ADGRL3: variants seen among roughly 807,000 people sequenced by gnomAD.
The protein encoded by ADGRL3 is adhesion G protein-coupled receptor L3, also known as calcium-independent alpha-latrotoxin receptor 3.
A neutral mutation model predicts 153.5 loss-of-function variants in ADGRL3; 62 were observed. The observed-to-expected ratio is 0.40, with a 90% CI of 0.33 to 0.50. The LOEUF (loss-of-function observed/expected upper bound fraction) is 0.50. ADGRL3 is among the 20% of genes least tolerant of loss of function. ADGRL3 has a pLI of 0.47. For synonymous variants in ADGRL3, 710 were observed against 672.5 expected (o/e 1.06, Z -0.86); for missense variants, 1,641 against 1,859.4 (o/e 0.88, Z 2.16).
chr4:61,959,040 A>G (rs953374071), intron 17 of ADGRL3, among the ~76,000 whole-genome samples: 1 of 152,204 alleles, frequency 6.6e-6, no homozygotes, highest in African/African-American at 2.4e-5. Flanking sequence ...GTAATTGTAT[A>G]CTTAACTGAG....
chr4:61,950,980 A>T (rs2098944971), intron 17 of ADGRL3, among the ~76,000 whole-genome samples: 1 of 152,186 alleles, frequency 6.6e-6, no homozygotes, highest in African/African-American at 2.4e-5. Flanking sequence ...ACCAGCTTTC[A>T]CTGTAGTTAG....
chr4:61,835,528 A>C (rs1300026969), intron 9 of ADGRL3, among the ~76,000 whole-genome samples: 1 of 152,170 alleles, frequency 6.6e-6, no homozygotes, highest in Non-Finnish European at 1.5e-5. Flanking sequence ...AAAAAAAATA[A>C]ATCCTTTTAA....
chr4:61,760,418 G>A (rs1254134366), intron 8 of ADGRL3, among the ~76,000 whole-genome samples: 1 of 152,154 alleles, frequency 6.6e-6, no homozygotes, highest in African/African-American at 2.4e-5. Context: ...TGCTGTTCTG[G>A]GAATAAGCGA....
chr4:61,678,642 A>T (rs1207158371), intron 6 of ADGRL3, among the ~76,000 whole-genome samples: 2 of 151,986 alleles, frequency 1.3e-5, no homozygotes, highest in African/African-American at 4.8e-5. Context: ...AATGTCCTAC[A>T]TTTAGAGAGT....
chr4:61,668,879 C>T (rs1286350619), intron 5 of ADGRL3, among the ~76,000 whole-genome samples: 1 of 151,940 alleles, frequency 6.6e-6, no homozygotes, highest in African/African-American at 2.4e-5. Context: ...ATTAGGTGGG[C>T]ATGGTTATGT....
At chr4:61,750,069 CT>C (rs1395603118) in intron 8 of ADGRL3, among the ~76,000 whole-genome samples, 1 of 150,428 alleles carries the variant, frequency 6.6e-6, no homozygotes, top group African/African-American at 2.4e-5. Context: ...AACCGTGCCA[CT>C]ATTCTATGTT....
At chr4:61,828,189 A>T (rs1037805622) in intron 9 of ADGRL3, among the ~76,000 whole-genome samples, 101 of 152,304 alleles carry the variant, frequency 6.6e-4, no homozygotes, top group African/African-American at 2.1e-3. Flanking sequence ...TGTTTCACAA[A>T]TTTGAATAAT....
intron 6 of ADGRL3, among the ~76,000 whole-genome samples, chr4:61,719,478 C>T (rs1181126231): frequency 6.6e-6 from 1 of 152,042 alleles, no homozygotes; most frequent in East Asian, 1.9e-4. Context: ...CTGTAAGATA[C>T]ATGATTAATA....
Position 62,077,076 on chromosome 4 carries a change from T to C in ADGRL3, c.*6168T>C, listed in dbSNP as rs1747395288. 1 of 151,976 alleles carries C rather than the reference T, an allele frequency of 6.6e-6. No homozygotes were observed. The highest frequency in any genetic ancestry group is 1.5e-5 in the Non-Finnish European group (1 of 67,896). The allele number at this position is 151,976 out of a possible 1,614,324, so 9.4% of individuals were successfully genotyped here. The stretch of plus-strand genomic sequence containing the variant: ...TTATTATAGTCAATTCATAAAATTC[T>C]ACATACAGTTGTACATGGTGGGTTA... On this transcript the variant is annotated 3_prime_UTR_variant, in exon 27 of 27. Coordinates refer to ENST00000683033, the MANE Select transcript of ADGRL3 (RefSeq NM_001387552.1).
intron 2 of ADGRL3, among the ~76,000 whole-genome samples, chr4:61,478,190 A>G (rs933305214): frequency 6.6e-6 from 1 of 152,090 alleles, no homozygotes; most frequent in African/African-American, 2.4e-5. Context: ...AGGATGAACT[A>G]TATGCTAAAA....
chr4:61,815,631 T>C (rs547845687), intron 9 of ADGRL3, among the ~76,000 whole-genome samples: 10 of 152,374 alleles, frequency 6.6e-5, no homozygotes, highest in Admixed American at 3.9e-4. Context: ...TGAATGTTTG[T>C]ATCCCTGCCA....
intron 8 of ADGRL3, among the ~76,000 whole-genome samples, chr4:61,757,922 T>C (rs1051111615): frequency 3.3e-5 from 5 of 152,216 alleles, no homozygotes; most frequent in Non-Finnish European, 7.3e-5. Context: ...TCCATGTAGC[T>C]GAGAAGTTTT....
intron 3 of ADGRL3, among the ~76,000 whole-genome samples, chr4:61,517,081 T>G (rs1431066704): frequency 6.6e-6 from 1 of 152,018 alleles, no homozygotes; most frequent in Non-Finnish European, 1.5e-5. Flanking sequence ...GATGAGTTTT[T>G]TTTTTTTTTT....
At chr4:61,507,432 G>A (rs1186888559) in intron 3 of ADGRL3, among the ~76,000 whole-genome samples, 2 of 152,106 alleles carry the variant, frequency 1.3e-5, no homozygotes, top group African/African-American at 4.8e-5. Flanking sequence ...TTAAAAGTAG[G>A]TGTCCAATAA....
At chr4:61,276,379 C>T (rs2093461741) in intron 1 of ADGRL3, among the ~76,000 whole-genome samples, 1 of 152,062 alleles carries the variant, frequency 6.6e-6, no homozygotes, top group Non-Finnish European at 1.5e-5. Context: ...TATATCTTTT[C>T]ATTTGTTATA....
At chr4:61,925,449 C>T (rs1282343919) in intron 13 of ADGRL3, among the ~76,000 whole-genome samples, 1 of 152,090 alleles carries the variant, frequency 6.6e-6, no homozygotes, top group Non-Finnish European at 1.5e-5. Context: ...TTTTGTGCTG[C>T]TGTAAAGGAA....
intron 2 of ADGRL3, among the ~76,000 whole-genome samples, chr4:61,434,095 G>T (rs2097411240): frequency 6.6e-6 from 1 of 152,068 alleles, no homozygotes; most frequent in Non-Finnish European, 1.5e-5. Flanking sequence ...ATTGTTAAGG[G>T]TAGCAATTAG....
At chr4:61,892,982 G>A (rs774016219) in intron 10 of ADGRL3, 24 bp downstream of exon 10, 4 of 1,426,674 alleles carry the variant, frequency 2.8e-6, no homozygotes, top group South Asian at 1.6e-5. Context: ...AAAGCACTAA[G>A]TTAAAACTGT....
chr4:61,996,277 G>C lies in ADGRL3; in HGVS notation c.3237-14G>C. The C allele has an allele frequency of 6.2e-7, 1 of 1,600,898 alleles. No individual in the cohort carries two copies. Among genetic ancestry groups the C allele is most frequent in the Non-Finnish European group, 8.6e-7 (1 of 1,168,250 alleles). ...AGTCCTTGAATACCTTCTCTCCCTT[G>C]TGTTTCATTGCAGATGTTGGCTCCG... On this transcript the variant is annotated splice_polypyrimidine_tract_variant and intron_variant, in intron 19 of 26. Coordinates refer to ENST00000683033, the MANE Select transcript of ADGRL3 (RefSeq NM_001387552.1).
Sources: allele counts gnomAD v4.1 joint callset (sites outside exome capture counted in the v4.1 genomes callset), GRCh38; gene constraint gnomAD v4.1.1; transcripts MANE v1.5; gene names NCBI Gene and HGNC (gene_info 2026-07-23, HGNC 2026-07-21).